The following PCDHGA2 variants were observed in gnomAD, a reference collection of about 807,000 sequenced individuals.
PCDHGA2 encodes the protein protocadherin gamma subfamily A, 2.
In PCDHGA2, 40 loss-of-function variants were observed where a neutral mutation model predicts 59.2. The ratio of observed to expected loss-of-function variants is 0.68; its 90% CI spans 0.52 to 0.88. The LOEUF is 0.88. Ranked by LOEUF, PCDHGA2 falls within the 40% of genes least tolerant of loss-of-function variation. The pLI, the probability that PCDHGA2 is intolerant of heterozygous loss-of-function variation, is 0.00. For missense variants in PCDHGA2, 1,226 were observed against 1,204.0 expected, an observed-to-expected ratio of 1.02 and a Z score of -0.27; for synonymous variants, 560 against 526.0, an observed-to-expected ratio of 1.06 and a Z score of -0.89.
chr5:141,412,827 A>G (rs977931124), intron 1 of PCDHGA2, among the ~76,000 whole-genome samples: 2 of 152,236 alleles, frequency 1.3e-5, no homozygotes, highest in Non-Finnish European at 2.9e-5. Context: ...ATAGTAAATT[A>G]TTTAAAGATA....
At chr5:141,424,928 T>C (rs2096848391) in intron 1 of PCDHGA2, among the ~76,000 whole-genome samples, 1 of 152,204 alleles carries the variant, frequency 6.6e-6, no homozygotes, top group South Asian at 2.1e-4. Flanking sequence ...ATCAATTCAG[T>C]CAACACTCTC....
chr5:141,372,133 G>T (rs576893125), intron 1 of PCDHGA2: 18 of 1,613,666 alleles, frequency 1.1e-5, no homozygotes, highest in East Asian at 2.2e-5. Flanking sequence ...ATGGTGCCGC[G>T]CTCTGCAGAG....
chr5:141,458,888 T>C (rs756640295), intron 1 of PCDHGA2, among the ~76,000 whole-genome samples: 3 of 152,118 alleles, frequency 2.0e-5, no homozygotes, highest in Non-Finnish European at 2.9e-5. Flanking sequence ...ATGCACACCA[T>C]GCGCAGCTAA....
rs564367150 is a variant in PCDHGA2 at position 141,464,990 on chromosome 5, C to T, written c.2425-29817C>T. Among the ~76,000 whole-genome samples, 147 of 152,192 alleles carry T rather than the reference C, an allele frequency of 9.7e-4. 1 individual carries two copies. Among genetic ancestry groups the T allele is most frequent in the African/African-American group, 3.5e-3 (144 of 41,536 alleles). On this transcript the variant is annotated intron_variant, in intron 1 of 3. Transcript: ENST00000394576. ...CTACTGGCTTCAAGTGATCCTCCCA[C>T]CTCAGCCTCCCAAAGTGCTAAGATT...
Position 141,383,071 on chromosome 5 carries a change from G to C in PCDHGA2, c.2424+41676G>C. ...CAAGGACCTGGGGCTGGAGCCCCGGGAGCTGGCGGAGCGCGGAGTCCGCAT... is the reference window on the plus strand; with the variant it reads ...CAAGGACCTGGGGCTGGAGCCCCGGCAGCTGGCGGAGCGCGGAGTCCGCAT... On this transcript the variant is annotated intron_variant, in intron 1 of 3. Coordinates refer to ENST00000394576, the MANE Select transcript of PCDHGA2 (RefSeq NM_018915.4). The C allele has an allele frequency of 1.9e-6, 3 of 1,613,916 alleles. No homozygotes were observed. The South Asian group carries it at 3.3e-5, about 18-fold the overall frequency.
At chr5:141,414,245 T>A in intron 1 of PCDHGA2, 2 of 1,613,498 alleles carry the variant, frequency 1.2e-6, no homozygotes, top group Non-Finnish European at 1.7e-6. Context: ...ACGTCTCTAT[T>A]TAGTCCAGTG....
At chr5:141,424,712 G>A (rs2096836283) in intron 1 of PCDHGA2, 1 of 152,126 alleles carries the variant, frequency 6.6e-6, no homozygotes, top group Non-Finnish European at 1.5e-5. Context: ...CATTTTCAGT[G>A]TAGTTGGGAG....
chr5:141,499,233 C>A (rs1047984757), intron 2 of PCDHGA2, among the ~76,000 whole-genome samples: 2 of 152,116 alleles, frequency 1.3e-5, no homozygotes, highest in Non-Finnish European at 2.9e-5. Context: ...CAGCTGTCCC[C>A]AGCCTCTGCA....
At chr5:141,357,516 A>G (rs1321097755) in intron 1 of PCDHGA2, 3 of 1,614,010 alleles carry the variant, frequency 1.9e-6, no homozygotes, top group African/African-American at 1.3e-5. Context: ...TCTTCTCCCA[A>G]CCCAGCTATG....
intron 1 of PCDHGA2, chr5:141,366,035 A>G (rs1376798925): frequency 1.2e-6 from 2 of 1,614,210 alleles, no homozygotes; most frequent in Admixed American, 1.7e-5. Flanking sequence ...CGCCCTCCCC[A>G]CAGACGGTTC....
At position 141,511,319 on chromosome 5, in the gene PCDHGA2, C is replaced by T. The variant is rs2099883711; in HGVS notation, c.*146C>T. On this transcript the variant is annotated 3_prime_UTR_variant, in exon 4 of 4. Coordinates refer to ENST00000394576, the MANE Select transcript of PCDHGA2 (RefSeq NM_018915.4). ...CCATGCTCCCCTTGGGAAACAGAAA[C>T]AAGTGCCCAGTCAGCACCTACCCCT... 1.4e-6 allele frequency: 2 copies of T among 1,477,302 alleles called. No homozygotes were observed. The highest frequency in any genetic ancestry group is 1.4e-5 in the African/African-American group (1 of 70,920). 91.5% of individuals were successfully genotyped at this position (1,477,302 alleles called of 1,614,324 possible).
chr5:141,497,540 CTT>C (rs754207034), intron 2 of PCDHGA2, among the ~76,000 whole-genome samples: 114 of 134,852 alleles, frequency 8.5e-4, no homozygotes, highest in Middle Eastern at 3.7e-3. Context: ...TGCAACAAAC[CTT>C]TTTTTTTTTT....
intron 1 of PCDHGA2, chr5:141,404,308 C>T (rs1241004917): frequency 6.2e-7 from 1 of 1,613,918 alleles, no homozygotes; most frequent in Middle Eastern, 1.6e-4. Flanking sequence ...CACCTGCTTT[C>T]TCTCAAGCCT....
At position 141,477,866 on chromosome 5, in the gene PCDHGA2, A is replaced by G; in HGVS notation, c.2425-16941A>G. ...CTCGGTGGAGATGCTGCCTCGAGGT[A>G]CCTCAGCTGGCCACCTAGTGTCACG... On this transcript the variant is annotated intron_variant, in intron 1 of 3. Coordinates refer to ENST00000394576, the MANE Select transcript of PCDHGA2 (RefSeq NM_018915.4). This position sits in a 1 kb window ranked among gnomAD's most constrained non-coding sequence, Gnocchi z 4.9. 1 of 1,614,072 alleles carries G rather than the reference A, an allele frequency of 6.2e-7. No homozygotes were observed. Among genetic ancestry groups the G allele is most frequent in the Non-Finnish European group, 8.5e-7 (1 of 1,179,988 alleles).
At chr5:141,422,762 C>T in intron 1 of PCDHGA2, 1 of 1,613,392 alleles carries the variant, frequency 6.2e-7, no homozygotes. Flanking sequence ...AACTCCAACA[C>T]TGGTGTTCTC....
At chr5:141,392,867 G>C in intron 1 of PCDHGA2, 6 of 1,612,942 alleles carry the variant, frequency 3.7e-6, no homozygotes, top group Non-Finnish European at 5.1e-6. Flanking sequence ...TGCTGTGCGC[G>C]CTGCTGGGAA....
At chr5:141,403,873 A>G in intron 1 of PCDHGA2, 1 of 1,613,840 alleles carries the variant, frequency 6.2e-7, no homozygotes, top group Non-Finnish European at 8.5e-7. Flanking sequence ...CAAAAAGTCT[A>G]GATTATGAAG....
At position 141,408,540 on chromosome 5, in the gene PCDHGA2, C is replaced by T. The variant is rs201370009; in HGVS notation, c.2424+67145C>T. On this transcript the variant is annotated intron_variant, in intron 1 of 3. Transcript: ENST00000394576. ...CAATTGGAAGCTGTGGTGGAAAATCCTTTAAATATTTTTCATGTCATTGTG... is the reference window on the plus strand; with the variant it reads ...CAATTGGAAGCTGTGGTGGAAAATCTTTTAAATATTTTTCATGTCATTGTG... The T allele has an allele frequency of 1.6e-3, 2,593 of 1,614,046 alleles. 3 individuals are homozygous for T. Among genetic ancestry groups the T allele is most frequent in the Middle Eastern group, 4.5e-3 (27 of 6,062 alleles).
intron 1 of PCDHGA2, chr5:141,404,212 C>T: frequency 3.7e-6 from 6 of 1,613,616 alleles, no homozygotes; most frequent in Non-Finnish European, 5.1e-6. Flanking sequence ...AATATAATAT[C>T]ACGGTGACTG....
Sources: allele counts gnomAD v4.1 joint callset (sites outside exome capture counted in the v4.1 genomes callset), GRCh38; gene constraint gnomAD v4.1.1; non-coding constraint Gnocchi (gnomAD v3.1); transcripts MANE v1.5; gene names NCBI Gene and HGNC (gene_info 2026-07-23, HGNC 2026-07-21).